The following FAF1 variants were observed in gnomAD, a reference collection of about 807,000 sequenced individuals.
The protein encoded by FAF1 is FAS-associated factor 1.
A neutral mutation model predicts 92.5 loss-of-function variants in FAF1; 25 were observed. That is an observed-to-expected ratio of 0.27 (90% CI 0.20 to 0.38). The LOEUF (loss-of-function observed/expected upper bound fraction) is 0.38, where lower values mean the gene tolerates loss of function less well. Among genes scored for constraint, FAF1 ranks in the 10% least tolerant of loss-of-function variants. The pLI, the probability that FAF1 is intolerant of heterozygous loss-of-function variation, is 1.00. For missense variants in FAF1, 636 were observed against 793.3 expected, an observed-to-expected ratio of 0.80 and a Z score of 2.38; for synonymous variants, 234 against 273.2, an observed-to-expected ratio of 0.86 and a Z score of 1.42.
chr1:50,893,445 C>A (rs564144518), intron 1 of FAF1, among the ~76,000 whole-genome samples: 1 of 152,260 alleles, frequency 6.6e-6, no homozygotes, highest in South Asian at 2.1e-4. Flanking sequence ...AGAGGTATTG[C>A]CTTGATGGTC....
intron 8 of FAF1, among the ~76,000 whole-genome samples, chr1:50,606,372 G>A (rs1409677721): frequency 1.3e-5 from 2 of 151,374 alleles, no homozygotes; most frequent in African/African-American, 4.9e-5. Context: ...CTTCCTAAGT[G>A]AACAAATTTA....
chr1:50,898,214 G>A (rs1644771156), intron 1 of FAF1, among the ~76,000 whole-genome samples: 1 of 152,162 alleles, frequency 6.6e-6, no homozygotes, highest in Non-Finnish European at 1.5e-5. Context: ...GCTGATGGGA[G>A]GATCACTTGA....
intron 6 of FAF1, among the ~76,000 whole-genome samples, chr1:50,732,709 T>G (rs977169576): frequency 6.6e-6 from 1 of 152,144 alleles, no homozygotes; most frequent in African/African-American, 2.4e-5. Context: ...TAGGAGAGTT[T>G]AGTACTTTCT....
chr1:50,953,003 T>C (rs1400434497), intron 1 of FAF1, among the ~76,000 whole-genome samples: 3 of 152,222 alleles, frequency 2.0e-5, no homozygotes, highest in African/African-American at 4.8e-5. Context: ...GCTGTGTCTG[T>C]GTAGAAAGAA....
intron 12 of FAF1, among the ~76,000 whole-genome samples, chr1:50,574,674 C>T (rs993982819): frequency 4.6e-5 from 7 of 151,930 alleles, no homozygotes; most frequent in African/African-American, 1.7e-4. Flanking sequence ...CAAAAGGTGA[C>T]AGAGTATAGC....
intron 15 of FAF1, among the ~76,000 whole-genome samples, chr1:50,511,919 T>G (rs1051955214): frequency 1.3e-4 from 20 of 152,250 alleles, no homozygotes; most frequent in Non-Finnish European, 2.6e-4. Flanking sequence ...GTTCCCTGAC[T>G]TTTTAATGAT....
At chr1:50,609,292 C>A (rs1440663401) in intron 8 of FAF1, among the ~76,000 whole-genome samples, 1 of 152,140 alleles carries the variant, frequency 6.6e-6, no homozygotes, top group African/African-American at 2.4e-5. Context: ...CTTGCCACAC[C>A]GCCATTTCAC....
intron 6 of FAF1, among the ~76,000 whole-genome samples, chr1:50,726,383 CA>C (rs1203608305): frequency 2.0e-5 from 3 of 152,160 alleles, no homozygotes; most frequent in African/African-American, 7.2e-5. Flanking sequence ...TTTTCTGTCA[CA>C]CCTTGCTGTT....
At chr1:50,704,267 A>T (rs1306606262) in intron 7 of FAF1, among the ~76,000 whole-genome samples, 1 of 152,134 alleles carries the variant, frequency 6.6e-6, no homozygotes, top group Non-Finnish European at 1.5e-5. Flanking sequence ...CTCAAATAAC[A>T]GAAACTAGGG....
At chr1:50,937,904 A>G (rs1040009856) in intron 1 of FAF1, among the ~76,000 whole-genome samples, 38 of 152,206 alleles carry the variant, frequency 2.5e-4, no homozygotes, top group African/African-American at 8.4e-4. Flanking sequence ...ATGTCGGGTA[A>G]TATGTATTTC....
At chr1:50,723,414 AT>A (rs1557494058) in intron 6 of FAF1, among the ~76,000 whole-genome samples, 2 of 151,962 alleles carry the variant, frequency 1.3e-5, no homozygotes, top group Non-Finnish European at 2.9e-5. Flanking sequence ...AAAAAAAAAA[AT>A]AAGTAGGATG....
At chr1:50,735,807 CTT>C (rs1659114522) in intron 6 of FAF1, among the ~76,000 whole-genome samples, 1 of 152,136 alleles carries the variant, frequency 6.6e-6, no homozygotes, top group Non-Finnish European at 1.5e-5. Context: ...ACCTCAAACT[CTT>C]GGGCTCGAGC....
chr1:50,700,086 A>T (rs921625598), intron 7 of FAF1, among the ~76,000 whole-genome samples: 2 of 151,874 alleles, frequency 1.3e-5, no homozygotes, highest in African/African-American at 4.8e-5. Flanking sequence ...CCCAAAAATA[A>T]CGCACTTGAA....
intron 7 of FAF1, among the ~76,000 whole-genome samples, chr1:50,689,293 C>T (rs1429939961): frequency 6.6e-6 from 1 of 151,936 alleles, no homozygotes; most frequent in South Asian, 2.1e-4. Flanking sequence ...GAACTGAAAA[C>T]ATATGTCCAG....
chr1:50,529,123 C>T (rs1292653516), intron 15 of FAF1, among the ~76,000 whole-genome samples: 2 of 152,068 alleles, frequency 1.3e-5, no homozygotes, highest in South Asian at 2.1e-4. Flanking sequence ...CTAACCTCCA[C>T]GTTGTTTAAG....
At chr1:50,764,227 T>C (rs890236295) in intron 4 of FAF1, among the ~76,000 whole-genome samples, 2 of 152,208 alleles carry the variant, frequency 1.3e-5, no homozygotes, top group African/African-American at 4.8e-5. Flanking sequence ...ATTACTAATA[T>C]GGAAAATATT....
At chr1:50,606,119 T>A (rs1482402012) in intron 8 of FAF1, among the ~76,000 whole-genome samples, 1 of 152,222 alleles carries the variant, frequency 6.6e-6, no homozygotes, top group Admixed American at 6.5e-5. Flanking sequence ...CACCACCTCA[T>A]CTTTGTGTCC....
At chr1:50,929,071 C>CAAAAAAAAAAAAAAAAAAAAAAAAAAA in intron 1 of FAF1, among the ~76,000 whole-genome samples, 1 of 36,840 alleles carries the variant, frequency 2.7e-5, no homozygotes, top group African/African-American at 1.2e-4. Context: ...GACACTGTCT[C>CAAAAAAAAAAAAAAAAAAAAAAAAAAA]AAAAAAAAAA....
intron 13 of FAF1, among the ~76,000 whole-genome samples, chr1:50,560,645 A>C (rs1649859875): frequency 6.6e-6 from 1 of 152,236 alleles, no homozygotes; most frequent in Non-Finnish European, 1.5e-5. Context: ...TCAGGTACTT[A>C]CATAAGCAAT....
Sources: gnomAD v4.1 joint callset for allele counts (sites outside exome capture counted in the v4.1 genomes callset) on GRCh38, gnomAD v4.1.1 for gene constraint, MANE v1.5 for transcripts, NCBI Gene and HGNC (gene_info 2026-07-23, HGNC 2026-07-21) for gene names.